The following RABGAP1L variants were observed in gnomAD, a reference collection of about 807,000 sequenced individuals.
RABGAP1L encodes rab GTPase-activating protein 1-like.
In RABGAP1L, 63 loss-of-function variants were observed where a neutral mutation model predicts 137.7. The ratio of observed to expected loss-of-function variants is 0.46; its 90% CI spans 0.37 to 0.56. The LOEUF (loss-of-function observed/expected upper bound fraction) is 0.56. RABGAP1L is among the 20% of genes least tolerant of loss of function. The pLI, the probability that RABGAP1L is intolerant of heterozygous loss-of-function variation, is 0.00. For synonymous variants in RABGAP1L, 431 were observed against 433.7 expected (o/e 0.99, Z 0.08); for missense variants, 1,095 against 1,244.0 (o/e 0.88, Z 1.80).
At chr1:174,316,040 T>C (rs1317978494) in intron 11 of RABGAP1L, among the ~76,000 whole-genome samples, 3 of 152,236 alleles carry the variant, frequency 2.0e-5, no homozygotes. Context: ...GATCTGTTCC[T>C]TAGCTCCAAT....
chr1:174,660,957 A>T (rs1676331175), intron 14 of RABGAP1L, among the ~76,000 whole-genome samples: 1 of 152,208 alleles, frequency 6.6e-6, no homozygotes, highest in South Asian at 2.1e-4. Context: ...ACTAGAAAAT[A>T]AGCTATATGA....
intron 11 of RABGAP1L, among the ~76,000 whole-genome samples, chr1:174,334,833 T>G (rs1159847186): frequency 6.6e-6 from 1 of 152,196 alleles, no homozygotes; most frequent in East Asian, 1.9e-4. Context: ...TGTTTTTCTT[T>G]TAAAATACCT....
intron 21 of RABGAP1L, among the ~76,000 whole-genome samples, chr1:174,972,696 T>C (rs1190085032): frequency 1.3e-5 from 2 of 151,572 alleles, no homozygotes; most frequent in African/African-American, 4.9e-5. Flanking sequence ...CTATTAAAAA[T>C]ACAAAAAATT....
At chr1:174,712,686 C>CT (rs1315714387) in intron 17 of RABGAP1L, among the ~76,000 whole-genome samples, 41 of 152,342 alleles carry the variant, frequency 2.7e-4, no homozygotes, top group Admixed American at 2.0e-3. Flanking sequence ...GCTACTTTCT[C>CT]TAAGAAGTTT....
At chr1:174,456,576 CAG>C (rs1475248660) in intron 13 of RABGAP1L, among the ~76,000 whole-genome samples, 5 of 151,914 alleles carry the variant, frequency 3.3e-5, no homozygotes, top group Admixed American at 2.0e-4. Context: ...AATTATCAGT[CAG>C]GGAATCAGTG....
intron 18 of RABGAP1L, among the ~76,000 whole-genome samples, chr1:174,803,438 T>C (rs1170953094): frequency 3.3e-5 from 5 of 152,210 alleles, no homozygotes. Flanking sequence ...GATGCAAACA[T>C]CCTAGACATC....
chr1:174,881,756 C>T (rs11806066), intron 19 of RABGAP1L, among the ~76,000 whole-genome samples: 56,897 of 151,736 alleles, frequency 0.37, 12,985 homozygotes, highest in African/African-American at 0.64. Context: ...CGCCTCAGCC[C>T]CCCAAAGTGC....
chr1:174,918,016 C>G (rs1203325036), intron 19 of RABGAP1L, among the ~76,000 whole-genome samples: 1 of 151,292 alleles, frequency 6.6e-6, no homozygotes, highest in African/African-American at 2.4e-5. Context: ...GGTAAGTTGT[C>G]TGTAACCAGA....
At chr1:174,394,926 T>G (rs1349625794) in intron 13 of RABGAP1L, among the ~76,000 whole-genome samples, 1 of 151,494 alleles carries the variant, frequency 6.6e-6, no homozygotes, top group Non-Finnish European at 1.5e-5. Flanking sequence ...GAGTGCCTAG[T>G]ATAATTATCA....
intron 17 of RABGAP1L, among the ~76,000 whole-genome samples, chr1:174,734,530 A>G (rs1226031714): frequency 6.6e-6 from 1 of 152,218 alleles, no homozygotes; most frequent in Non-Finnish European, 1.5e-5. Flanking sequence ...GAAGAAGGTA[A>G]GAATCCAGAA....
At chr1:174,579,569 T>C (rs548394035) in intron 13 of RABGAP1L, among the ~76,000 whole-genome samples, 2 of 152,342 alleles carry the variant, frequency 1.3e-5, no homozygotes, top group East Asian at 1.9e-4. Context: ...GCAGTAGATA[T>C]GACACATCCT....
At chr1:174,599,316 G>C (rs1480007561) in intron 13 of RABGAP1L, among the ~76,000 whole-genome samples, 1 of 152,120 alleles carries the variant, frequency 6.6e-6, no homozygotes, top group Non-Finnish European at 1.5e-5. Flanking sequence ...CACTGTTGTA[G>C]TTATTTTTGA....
chr1:174,251,935 C>T (rs1160216296), intron 6 of RABGAP1L, among the ~76,000 whole-genome samples: 5 of 147,006 alleles, frequency 3.4e-5, no homozygotes, highest in East Asian at 2.0e-4. Flanking sequence ...CTTGCTCTGT[C>T]GCCCAGGCAA....
intron 1 of RABGAP1L, among the ~76,000 whole-genome samples, chr1:174,212,225 G>A (rs1443789932): frequency 6.6e-6 from 1 of 151,872 alleles, no homozygotes; most frequent in East Asian, 1.9e-4. Context: ...ACCGTACTTA[G>A]GTCACAAAAC....
intron 19 of RABGAP1L, among the ~76,000 whole-genome samples, chr1:174,895,074 A>C (rs1656907377): frequency 6.6e-6 from 1 of 152,190 alleles, no homozygotes; most frequent in Non-Finnish European, 1.5e-5. Flanking sequence ...GTTTGTTAAC[A>C]GACACCTGCC....
chr1:174,834,460 G>GA (rs1246300444), intron 19 of RABGAP1L, among the ~76,000 whole-genome samples: 1 of 150,330 alleles, frequency 6.7e-6, no homozygotes, highest in Non-Finnish European at 1.5e-5. Flanking sequence ...CTAAACCTGT[G>GA]TTTTTTTTCT....
intron 1 of RABGAP1L, among the ~76,000 whole-genome samples, chr1:174,214,069 A>G (rs146785838): frequency 0.011 from 1,666 of 152,306 alleles, 31 homozygotes; most frequent in African/African-American, 0.038. Flanking sequence ...TTTGCAGATG[A>G]TATGGTCTTA....
intron 1 of RABGAP1L, among the ~76,000 whole-genome samples, chr1:174,177,793 A>G (rs901784924): frequency 2.0e-5 from 3 of 151,978 alleles, no homozygotes; most frequent in Non-Finnish European, 4.4e-5. Context: ...CTGGTTGTAG[A>G]TGTGTGGTGT....
At chr1:174,707,765 AG>A (rs1258767795) in intron 17 of RABGAP1L, among the ~76,000 whole-genome samples, 1 of 152,180 alleles carries the variant, frequency 6.6e-6, no homozygotes, top group African/African-American at 2.4e-5. Context: ...TCAATTATCT[AG>A]GTTTCTAATC....
Sources: gnomAD v4.1 joint callset for allele counts (sites outside exome capture counted in the v4.1 genomes callset) on GRCh38, gnomAD v4.1.1 for gene constraint, MANE v1.5 for transcripts, NCBI Gene and HGNC (gene_info 2026-07-23, HGNC 2026-07-21) for gene names.